SSR2: variants seen among roughly 807,000 people sequenced by gnomAD.
SSR2 encodes signal sequence receptor subunit 2, also known as translocon-associated protein subunit beta.
Under a neutral mutation model 22.6 loss-of-function variants are expected in SSR2, and 16 were observed. The ratio of observed to expected loss-of-function variants is 0.71; its 90% CI spans 0.48 to 1.08. The LOEUF (loss-of-function observed/expected upper bound fraction) is 1.08, where lower values mean the gene tolerates loss of function less well. Among genes scored for constraint, SSR2 ranks in the 50% least tolerant of loss-of-function variants. SSR2 has a pLI of 0.00. For missense variants in SSR2, 171 were observed against 221.6 expected, an observed-to-expected ratio of 0.77 and a Z score of 1.45; for synonymous variants, 83 against 91.2, an observed-to-expected ratio of 0.91 and a Z score of 0.51.
intron 4 of SSR2, 66 bp downstream of exon 4, chr1:156,014,895 C>T (rs1248874835): frequency 5.3e-6 from 7 of 1,313,756 alleles, no homozygotes; most frequent in Non-Finnish European, 6.5e-6. Context: ...CTCTTACCCC[C>T]ACCACAAGAG....
At chr1:156,010,021 C>T (rs1682957564) in intron 5 of SSR2, among the ~76,000 whole-genome samples, 1 of 152,116 alleles carries the variant, frequency 6.6e-6, no homozygotes, top group Non-Finnish European at 1.5e-5. Context: ...ATCTGCCCAC[C>T]TCGGCCTCCC....
Position 156,020,072 on chromosome 1 carries a change from T to G in SSR2, c.96A>C (p.Arg32Ser), listed in dbSNP as rs1280123152. 1.2e-6 allele frequency: 2 copies of G among 1,614,040 alleles called. No individual in the cohort carries two copies. The highest frequency in any genetic ancestry group is 1.7e-6 in the Non-Finnish European group (2 of 1,180,034). ...RLLASKSLLN[R>S]YAVEGRDLTL... Reference sequence around the variant, plus strand: ...TCAGGTCTCGTCCCTCCACGGCGTATCTGTTCAGCAGTGATTTGGAAGCCA... The same window carrying G: ...TCAGGTCTCGTCCCTCCACGGCGTAGCTGTTCAGCAGTGATTTGGAAGCCA... The change falls in exon 2 of 6, where the codon AGA (arginine) becomes AGC (serine). Residue 32 changes from arginine (R) to serine (S), a missense_variant. Arg to Ser is a moderately radical substitution (Grantham distance 110). Transcript: ENST00000295702.
At chr1:156,020,432 G>A in intron 1 of SSR2, 1 of 396,890 alleles carries the variant, frequency 2.5e-6, no homozygotes, top group Non-Finnish European at 4.8e-6. Flanking sequence ...ACCGGCTGGT[G>A]GAGTCTTCTG....
At chr1:156,016,644 T>A (rs1230036108) in intron 3 of SSR2, among the ~76,000 whole-genome samples, 1 of 152,208 alleles carries the variant, frequency 6.6e-6, no homozygotes, top group East Asian at 1.9e-4. Context: ...CCCTCACCAA[T>A]AAACCTAAAC....
At chr1:156,019,959 A>G in intron 2 of SSR2, 54 bp downstream of exon 2, 1 of 1,579,414 alleles carries the variant, frequency 6.3e-7, no homozygotes, top group Non-Finnish European at 8.6e-7. Flanking sequence ...TTCCCATCTG[A>G]AAACTAAGAA....
chr1:156,012,420 G>C (rs1005142589), intron 4 of SSR2: 11 of 417,254 alleles, frequency 2.6e-5, no homozygotes, highest in Non-Finnish European at 4.4e-5. Flanking sequence ...GTTGAGTCTG[G>C]TCCACATTCC....
chr1:156,015,536 A>ATATATATG (rs1491329630), intron 3 of SSR2, among the ~76,000 whole-genome samples: 1 of 33,008 alleles, frequency 3.0e-5, no homozygotes, highest in Non-Finnish European at 5.9e-5. Context: ...AAAAAAAAAA[A>ATATATATG]TATATATATA....
At chr1:156,015,736 T>C (rs1420652999) in intron 3 of SSR2, among the ~76,000 whole-genome samples, 1 of 150,832 alleles carries the variant, frequency 6.6e-6, no homozygotes, top group Non-Finnish European at 1.5e-5. Context: ...CCTAGGCATC[T>C]TTTTTAAATC....
chr1:156,015,143 C>T, intron 3 of SSR2, 74 bp from the exon 4 acceptor site: 1 of 1,107,656 alleles, frequency 9.0e-7, no homozygotes, highest in Non-Finnish European at 1.4e-6. Context: ...GGACTAAATG[C>T]ACCACTTACA....
In SSR2 at chr1:156,020,065, C is replaced by T. The variant is rs769718930; in HGVS notation, c.103G>A (p.Val35Met). The T allele has an allele frequency of 5.0e-6, 8 of 1,614,044 alleles. No individual in the cohort carries two copies. Among genetic ancestry groups the T allele is most frequent in the African/African-American group, 1.3e-5 (1 of 74,902 alleles). ...TGCAAGGTCAGGTCTCGTCCCTCCA[C>T]GGCGTATCTGTTCAGCAGTGATTTG... ...ASKSLLNRYA[V>M]EGRDLTLQYN... Residue 35 changes from valine (V) to methionine (M), a missense_variant, in exon 2 of 6, where the codon GTG becomes ATG. By Grantham distance (21) the Val-to-Met change is conservative (BLOSUM62 1). Coordinates refer to ENST00000295702, the MANE Select transcript of SSR2 (RefSeq NM_003145.4).
Position 156,009,615 on chromosome 1 carries a change from G to A in SSR2, c.477C>T (p.Pro159=). 6.2e-7 allele frequency: 1 copy of A among 1,613,002 alleles called. No individual in the cohort carries two copies. Among genetic ancestry groups the A allele is most frequent in the South Asian group, 1.1e-5 (1 of 90,692 alleles). The part of the protein sequence containing the change: ...DWAAFGVMTL[P]SIGIPLLLWY... The stretch of plus-strand genomic sequence containing the variant: ...ACAATAGCAGGGGGATGCCGATGGA[G>A]GGAAGGGTCATGACCCCAAAGGCTG... The change falls in exon 6 of 6, where the codon CCC becomes CCT. Residue 159 remains proline (P), a synonymous_variant. Transcript: ENST00000295702.
chr1:156,017,095 G>A (rs964627530), intron 3 of SSR2, among the ~76,000 whole-genome samples: 2 of 152,186 alleles, frequency 1.3e-5, no homozygotes, highest in Non-Finnish European at 2.9e-5. Flanking sequence ...CACCAAGGCT[G>A]GAGTACAGCA....
intron 2 of SSR2, chr1:156,019,138 G>T: frequency 3.6e-6 from 1 of 278,424 alleles, no homozygotes; most frequent in South Asian, 3.2e-5. Context: ...ATAGCAACTT[G>T]GTTCTGTTGC....
rs1286515928 is a variant in SSR2 at position 156,014,956 on chromosome 1, C to T, written c.363+5G>A. 1 of 1,611,810 alleles carries T rather than the reference C, an allele frequency of 6.2e-7. No homozygotes were observed. Among genetic ancestry groups the T allele is most frequent in the Non-Finnish European group, 8.5e-7 (1 of 1,178,308 alleles). On this transcript the variant is annotated splice_donor_5th_base_variant and intron_variant, in intron 4 of 5. Transcript: ENST00000295702. Reference sequence around the variant, plus strand: ...TCCATCCAGCTAAGGGTTTGGGCAACTCACCACAACGGGCCCATCCTCCTG... The same window carrying T: ...TCCATCCAGCTAAGGGTTTGGGCAATTCACCACAACGGGCCCATCCTCCTG...
chr1:156,020,093 A>G lies in SSR2; in HGVS notation c.75T>C (p.Ala25=), dbSNP rs1683125246. The change falls in exon 2 of 6, where the codon GCT becomes GCC. Residue 25 remains alanine (A), a synonymous_variant. Coordinates refer to ENST00000295702, the MANE Select transcript of SSR2 (RefSeq NM_003145.4). ...TQAEEGARLL[A]SKSLLNRYAV... is the part of the protein sequence containing the mutation. ...CGTATCTGTTCAGCAGTGATTTGGAAGCCAAAAGCCTGGCTCCTTCCTCTG... is the reference window on the plus strand; with the variant it reads ...CGTATCTGTTCAGCAGTGATTTGGAGGCCAAAAGCCTGGCTCCTTCCTCTG... 6 of 1,614,158 alleles carry G rather than the reference A, an allele frequency of 3.7e-6. No individual in the cohort carries two copies. The East Asian group carries it at 1.3e-4, about 36-fold the overall frequency.
intron 4 of SSR2, 106 bp downstream of exon 4, chr1:156,014,855 G>GT (rs1683028197): frequency 2.2e-6 from 2 of 903,378 alleles, no homozygotes; most frequent in Non-Finnish European, 3.5e-6. Flanking sequence ...CTGTATTTTG[G>GT]TATCTATTAA....
rs1158839385 is a variant in SSR2, at chr1:156,018,271, G to A, written c.253C>T (p.Pro85Ser). 1 of 1,613,288 alleles carries A rather than the reference G, an allele frequency of 6.2e-7. No individual in the cohort carries two copies. The highest frequency in any genetic ancestry group is 1.3e-5 in the African/African-American group (1 of 74,852). Reference protein sequence around the residue: ...MLNVKWDRIAPASNVSHTVVL... With the variant: ...MLNVKWDRIASASNVSHTVVL... ...CATCACCAAGTGCCAAGAGGATACG[G>A]GGCAATCCGGTCCCATTTGACATTG... is the stretch of plus-strand genomic sequence containing the variant. Residue 85 changes from proline to serine, a missense_variant and splice_region_variant, in exon 3 of 6, where the codon CCT becomes TCT. Physicochemically the swap from Pro to Ser is moderately conservative, Grantham distance 74 (BLOSUM62 -1). Coordinates refer to ENST00000295702, the MANE Select transcript of SSR2 (RefSeq NM_003145.4).
chr1:156,017,707 T>C (rs1683077685), intron 3 of SSR2, among the ~76,000 whole-genome samples: 1 of 148,778 alleles, frequency 6.7e-6, no homozygotes, highest in South Asian at 2.2e-4. Flanking sequence ...CTTTATTAAG[T>C]GTCTATATCC....
chr1:156,020,114 C>A lies in SSR2; in HGVS notation c.54G>T (p.Glu18Asp). Residue 18 changes from glutamate (E) to aspartate (D), a missense_variant, in exon 2 of 6, where the codon GAG becomes GAT. Glu to Asp is a conservative substitution (Grantham distance 45). Transcript: ENST00000295702. ...VLALFAVTQA[E>D]EGARLLASKS... Reference sequence around the variant, plus strand: ...TGGAAGCCAAAAGCCTGGCTCCTTCCTCTGCTTGAGTGACAGCAAATAGAG... The same window carrying A: ...TGGAAGCCAAAAGCCTGGCTCCTTCATCTGCTTGAGTGACAGCAAATAGAG... 6.2e-7 allele frequency: 1 copy of A among 1,614,200 alleles called. No homozygotes were observed. Among genetic ancestry groups the A allele is most frequent in the South Asian group, 1.1e-5 (1 of 91,084 alleles).
Sources: allele counts gnomAD v4.1 joint callset (sites outside exome capture counted in the v4.1 genomes callset), GRCh38; gene constraint gnomAD v4.1.1; transcripts MANE v1.5; gene names NCBI Gene and HGNC (gene_info 2026-07-23, HGNC 2026-07-21).